Variants in OPCML observed in about 807,000 individuals in gnomAD.
OPCML encodes opioid-binding protein/cell adhesion molecule.
In OPCML, 13 loss-of-function variants were observed where a neutral mutation model predicts 37.8. That is an observed-to-expected ratio of 0.34 (90% confidence interval 0.22 to 0.55). The LOEUF is 0.55. Among genes scored for constraint, OPCML ranks in the 20% least tolerant of loss-of-function variants. The probability of loss-of-function intolerance (pLI) is 0.91; values close to 1 mark genes in which losing one functional copy is unlikely to be tolerated. For missense variants in OPCML, 341 were observed against 435.6 expected (o/e 0.78, Z 1.93); for synonymous variants, 176 against 168.8 (o/e 1.04, Z -0.33).
chr11:133,000,669 T>C (rs1187919482), intron 1 of OPCML, among the ~76,000 whole-genome samples: 1 of 152,218 alleles, frequency 6.6e-6, no homozygotes, highest in Non-Finnish European at 1.5e-5. Flanking sequence ...AACCACACTC[T>C]CTTTTCATTT....
intron 4 of OPCML, among the ~76,000 whole-genome samples, chr11:132,520,011 C>A (rs1172351999): frequency 6.6e-6 from 1 of 152,080 alleles, no homozygotes; most frequent in Admixed American, 6.5e-5. Flanking sequence ...CAACAGGGAC[C>A]TACAGCGGAC....
At chr11:132,995,992 A>G (rs930209270) in intron 1 of OPCML, among the ~76,000 whole-genome samples, 24 of 152,330 alleles carry the variant, frequency 1.6e-4, no homozygotes, top group Admixed American at 3.9e-4. Context: ...TTCTCTTTAG[A>G]GTCCATGGTG....
intron 4 of OPCML, among the ~76,000 whole-genome samples, chr11:132,448,210 CTCTT>C (rs1232378693): frequency 9.8e-5 from 15 of 152,316 alleles, no homozygotes; most frequent in African/African-American, 3.4e-4. Flanking sequence ...CTTACTTCCT[CTCTT>C]TCTTTCCTTT....
rs144165670 is a variant in OPCML, at chr11:132,563,933, T to G, written c.380-34747A>C. On this transcript the variant is annotated intron_variant, in intron 3 of 7. Coordinates refer to ENST00000524381, the MANE Select transcript of OPCML (RefSeq NM_001012393.5). ...TGATTTTGCCCCAAAATGCTGTTGA[T>G]TCCAGATAGCCATGCCCTGGACAAC... 7.9e-5 allele frequency among the ~76,000 whole-genome samples: 12 copies of G among 152,300 alleles called. No individual in the cohort carries two copies. The East Asian group carries it at 2.3e-3, about 29-fold the overall frequency.
chr11:133,441,475 G>C (rs1188952103), intron 1 of OPCML, among the ~76,000 whole-genome samples: 1 of 152,100 alleles, frequency 6.6e-6, no homozygotes, highest in Non-Finnish European at 1.5e-5. Context: ...CTATTTATAT[G>C]ACTGTTTCAT....
intron 2 of OPCML, among the ~76,000 whole-genome samples, chr11:132,709,121 A>G (rs1944157683): frequency 6.6e-6 from 1 of 152,200 alleles, no homozygotes. Context: ...ATATTCATCA[A>G]TAATGCATAG....
chr11:132,637,087 C>T (rs1939497), intron 3 of OPCML, among the ~76,000 whole-genome samples: 74,625 of 151,666 alleles, frequency 0.49, 18,475 homozygotes, highest in Middle Eastern at 0.58. Flanking sequence ...CGCATACTAC[C>T]TATTTATATA....
At chr11:132,436,313 T>C in intron 6 of OPCML, 76 bp from the exon 7 acceptor site, 1 of 1,608,280 alleles carries the variant, frequency 6.2e-7, no homozygotes, top group Non-Finnish European at 8.5e-7. Flanking sequence ...TTTCTCCAAC[T>C]AATCTCGTCC....
rs1170146576 is a variant in OPCML at position 133,358,389 on chromosome 11, G to A, written c.61+173875C>T. Among the ~76,000 whole-genome samples the A allele has an allele frequency of 2.6e-5, 4 of 152,154 alleles. No individual in the cohort carries two copies. The East Asian group carries it at 5.8e-4, about 22-fold the overall frequency. On this transcript the variant is annotated intron_variant, in intron 1 of 7. Coordinates refer to ENST00000524381, the MANE Select transcript of OPCML (RefSeq NM_001012393.5). The stretch of plus-strand genomic sequence containing the variant: ...TCTAACATCTCAGCAACCAAAGCAT[G>A]CCATGATCTTCACCCCAACTATTGC...
At chr11:132,730,008 C>CTTTA (rs1945020886) in intron 2 of OPCML, among the ~76,000 whole-genome samples, 1 of 88,472 alleles carries the variant, frequency 1.1e-5, no homozygotes, top group Non-Finnish European at 2.1e-5. Context: ...TTCTATGTGA[C>CTTTA]TTTTTTTTTT....
chr11:132,920,567 C>T (rs1944757076), intron 2 of OPCML, among the ~76,000 whole-genome samples: 1 of 152,178 alleles, frequency 6.6e-6, no homozygotes, highest in Non-Finnish European at 1.5e-5. Flanking sequence ...CCTCCGAAGC[C>T]AGGGTGCACA....
intron 2 of OPCML, among the ~76,000 whole-genome samples, chr11:132,793,929 T>G (rs1448607596): frequency 6.6e-6 from 1 of 152,216 alleles, no homozygotes; most frequent in African/African-American, 2.4e-5. Flanking sequence ...CAGCTGCTGC[T>G]TCATTCCCTG....
intron 1 of OPCML, among the ~76,000 whole-genome samples, chr11:133,325,022 C>A (rs565595555): frequency 7.2e-4 from 109 of 152,258 alleles, no homozygotes; most frequent in African/African-American, 2.6e-3. Context: ...GCAAGTACCA[C>A]GTTCTATATT....
chr11:133,229,010 CCTT>C (rs917735053), intron 1 of OPCML, among the ~76,000 whole-genome samples: 1 of 152,130 alleles, frequency 6.6e-6, no homozygotes, highest in African/African-American at 2.4e-5. Flanking sequence ...TGTGCTCAGG[CCTT>C]CTTATCAGAA....
At position 133,518,322 on chromosome 11, in the gene OPCML, A is replaced by AGT. The variant is rs368081900; in HGVS notation, c.61+13940_61+13941dup. Among the ~76,000 whole-genome samples the AGT allele has an allele frequency of 8.1e-5, 11 of 135,288 alleles. No homozygotes were observed. The South Asian group carries it at 2.4e-3, about 30-fold the overall frequency. The allele number at this position is 135,288 out of a possible 152,430, so 88.8% of individuals were successfully genotyped here. A position where few individuals can be genotyped will look rare whatever the true frequency, so the allele number is the denominator to read the frequency against. The stretch of plus-strand genomic sequence containing the variant: ...TGTAATGTGTATGGAAGCGTGTATA[A>AGT]GTGTGTGTGTGTGGGTGTGTTTGTG... On this transcript the variant is annotated intron_variant, in intron 1 of 7. Coordinates refer to ENST00000524381, the MANE Select transcript of OPCML (RefSeq NM_001012393.5).
intron 1 of OPCML, among the ~76,000 whole-genome samples, chr11:133,236,622 C>T (rs1239299547): frequency 6.6e-6 from 1 of 152,176 alleles, no homozygotes; most frequent in Non-Finnish European, 1.5e-5. Context: ...ATAAAGAAAT[C>T]AATGTATGTT....
chr11:132,444,797 C>T lies in OPCML; in HGVS notation c.506-7438G>A, dbSNP rs541729353. ...TACTGGCAACAAGCAACTCTGAGCC[C>T]GCCCTCCTTAATTAAACCAAGGAAT... On this transcript the variant is annotated intron_variant, in intron 4 of 7. Coordinates refer to ENST00000524381, the MANE Select transcript of OPCML (RefSeq NM_001012393.5). Among the ~76,000 whole-genome samples, 16 of 152,276 alleles carry T rather than the reference C, an allele frequency of 1.1e-4. No individual in the cohort carries two copies. The South Asian group carries it at 1.9e-3, about 18-fold the overall frequency.
chr11:132,785,909 T>G (rs1947194386), intron 2 of OPCML, among the ~76,000 whole-genome samples: 1 of 152,230 alleles, frequency 6.6e-6, no homozygotes, highest in Admixed American at 6.5e-5. Context: ...TTTTAAAAAA[T>G]ATTTTATCCA....
chr11:133,525,141 GA>G (rs1219391309), intron 1 of OPCML, among the ~76,000 whole-genome samples: 2 of 152,220 alleles, frequency 1.3e-5, no homozygotes, highest in African/African-American at 2.4e-5. Context: ...CACAGTTTTA[GA>G]AAAGAGAAGT....
Sources: gnomAD v4.1 joint callset for allele counts (sites outside exome capture counted in the v4.1 genomes callset) on GRCh38, gnomAD v4.1.1 for gene constraint, MANE v1.5 for transcripts, NCBI Gene and HGNC (gene_info 2026-07-23, HGNC 2026-07-21) for gene names.